ZFPM1: variants seen among roughly 807,000 people sequenced by gnomAD.
ZFPM1 encodes the protein zinc finger protein, FOG family member 1.
In ZFPM1, 28 loss-of-function variants were observed where a neutral mutation model predicts 46.3. The ratio of observed to expected loss-of-function variants is 0.60; its 90% CI spans 0.45 to 0.83. The LOEUF (loss-of-function observed/expected upper bound fraction) is 0.83, where lower values mean the gene tolerates loss of function less well. ZFPM1 is among the 40% of genes least tolerant of loss of function. The pLI is 0.00. For missense variants in ZFPM1, 1,878 were observed against 1,432.4 expected, an observed-to-expected ratio of 1.31 and a Z score of -5.02; for synonymous variants, 957 against 675.9, an observed-to-expected ratio of 1.42 and a Z score of -6.45.
intron 3 of ZFPM1, among the ~76,000 whole-genome samples, chr16:88,505,592 T>C (rs12926128): frequency 0.18 from 26,799 of 152,174 alleles, 2,608 homozygotes; most frequent in East Asian, 0.3. Context: ...GACGGCTTCC[T>C]GGGGTCCTGG....
At chr16:88,495,770 G>A (rs1000267289) in intron 3 of ZFPM1, among the ~76,000 whole-genome samples, 4 of 152,180 alleles carry the variant, frequency 2.6e-5, no homozygotes, top group African/African-American at 7.2e-5. Context: ...GTGGCCAGGA[G>A]CCCACTTGGG....
intron 3 of ZFPM1, among the ~76,000 whole-genome samples, chr16:88,503,403 C>G (rs12444193): frequency 9.8e-4 from 70 of 71,610 alleles, no homozygotes; most frequent in Middle Eastern, 0.014. Context: ...TTCCTGAGTG[C>G]AGGGATCTGT....
chr16:88,497,321 C>T lies in ZFPM1; in HGVS notation c.268+8168C>T, dbSNP rs543653388. ...TGTGACAGACACAGTAGAGTGGGGT[C>T]GGGTGTGCACAAGGAGCTGGCTCAG... On this transcript the variant is annotated intron_variant, in intron 3 of 9. Coordinates refer to ENST00000319555, the MANE Select transcript of ZFPM1 (RefSeq NM_153813.3). This position sits in a 1 kb window ranked among gnomAD's most constrained non-coding sequence, Gnocchi z 5.4. 7.9e-5 allele frequency among the ~76,000 whole-genome samples: 12 copies of T among 151,776 alleles called. No individual in the cohort carries two copies. In the South Asian group the frequency reaches 2.1e-3, roughly 26 times the overall value.
At chr16:88,507,205 C>T (rs1363102539) in intron 3 of ZFPM1, among the ~76,000 whole-genome samples, 1 of 152,174 alleles carries the variant, frequency 6.6e-6, no homozygotes, top group African/African-American at 2.4e-5. Context: ...GCTGTGTAAC[C>T]TCCGACGTGG....
intron 1 of ZFPM1, among the ~76,000 whole-genome samples, chr16:88,468,320 G>A (rs1056584245): frequency 2.0e-5 from 3 of 152,104 alleles, no homozygotes; most frequent in East Asian, 1.9e-4. Flanking sequence ...CTGAGCACTC[G>A]GGGTGCTCTG....
chr16:88,470,222 G>A (rs1264683443), intron 1 of ZFPM1, among the ~76,000 whole-genome samples: 5 of 152,196 alleles, frequency 3.3e-5, no homozygotes, highest in Non-Finnish European at 7.3e-5. Context: ...ACTCACTCCT[G>A]CGGGGTCCTT....
intron 1 of ZFPM1, among the ~76,000 whole-genome samples, chr16:88,461,820 C>T (rs1406564390): frequency 2.6e-5 from 4 of 152,206 alleles, no homozygotes; most frequent in Non-Finnish European, 5.9e-5. Flanking sequence ...GCCCGGAGAT[C>T]TGACCCACTG....
rs1029050269 is a variant in ZFPM1, at chr16:88,469,269, C to T, written c.40+15591C>T. ...TGCCGGCCGGGCCAGGGACGTGGCA[C>T]CATCTTAATGAATGACAGTCCCAAC... is the stretch of plus-strand genomic sequence containing the variant. On this transcript the variant is annotated intron_variant, in intron 1 of 9. Coordinates refer to ENST00000319555, the MANE Select transcript of ZFPM1 (RefSeq NM_153813.3). This position sits in a 1 kb window ranked among gnomAD's most constrained non-coding sequence, Gnocchi z 4.3. 2.0e-4 allele frequency among the ~76,000 whole-genome samples: 30 copies of T among 152,222 alleles called. No homozygotes were observed. In the Middle Eastern group the frequency reaches 9.5e-3, roughly 48 times the overall value.
chr16:88,473,139 G>C (rs973635065), intron 1 of ZFPM1, among the ~76,000 whole-genome samples: 1 of 152,276 alleles, frequency 6.6e-6, no homozygotes, highest in Non-Finnish European at 1.5e-5. Context: ...GGAAAAGGCT[G>C]AACTGAGCCA....
At chr16:88,464,249 C>T (rs957457617) in intron 1 of ZFPM1, among the ~76,000 whole-genome samples, 1 of 152,216 alleles carries the variant, frequency 6.6e-6, no homozygotes, top group Non-Finnish European at 1.5e-5. Context: ...GCATGTGAGC[C>T]GTGCCTAAGG....
Position 88,528,087 on chromosome 16 carries a change from C to A in ZFPM1, c.561C>A (p.Ser187Arg), listed in dbSNP as rs1455828523. ...CGGTGCCTGCGGGGGGACTCCTGAGCGTGCTCCTCACGGCCGAGCCCCACA... is the reference window on the plus strand; with the variant it reads ...CGGTGCCTGCGGGGGGACTCCTGAGAGTGCTCCTCACGGCCGAGCCCCACA... ...TKPVPAGGLLSVLLTAEPHST... is the reference protein window; with the variant it reads ...TKPVPAGGLLRVLLTAEPHST... Residue 187 changes from serine (S) to arginine (R), a missense_variant, in exon 6 of 10, where the codon AGC becomes AGA. Transcript: ENST00000319555. 1 of 1,572,312 alleles carries A rather than the reference C, an allele frequency of 6.4e-7. No individual in the cohort carries two copies. The highest frequency in any genetic ancestry group is 1.3e-5 in the African/African-American group (1 of 74,134).
rs1007535241 is a variant in ZFPM1 at position 88,532,245 on chromosome 16, C to A, written c.946+10C>A. The A allele has an allele frequency of 2.5e-6, 4 of 1,586,456 alleles. No individual in the cohort carries two copies. Among genetic ancestry groups the A allele is most frequent in the Non-Finnish European group, 3.4e-6 (4 of 1,163,004 alleles). On this transcript the variant is annotated intron_variant, in intron 7 of 9. Coordinates refer to ENST00000319555, the MANE Select transcript of ZFPM1 (RefSeq NM_153813.3). ...ATGCGCAGCCACAGCGGTGAGCCCC[C>A]ACCCCGGACGCGGGTCCTCAGGATG...
intron 1 of ZFPM1, among the ~76,000 whole-genome samples, chr16:88,472,780 C>G (rs1490906184): frequency 6.6e-6 from 1 of 152,258 alleles, no homozygotes; most frequent in Non-Finnish European, 1.5e-5. Context: ...CCCATAACTC[C>G]ACGCCCTCCC....
At chr16:88,484,625 G>A (rs913389307) in intron 1 of ZFPM1, among the ~76,000 whole-genome samples, 10 of 152,210 alleles carry the variant, frequency 6.6e-5, no homozygotes, top group Admixed American at 6.5e-4. Context: ...GTAGAAGGCT[G>A]GGCGGGTCAG....
At chr16:88,475,518 G>GA (rs556395520) in intron 1 of ZFPM1, among the ~76,000 whole-genome samples, 5 of 152,046 alleles carry the variant, frequency 3.3e-5, no homozygotes, top group East Asian at 3.9e-4. Context: ...GGGTCCGGGG[G>GA]GGGGAGCACA....
chr16:88,524,747 G>A (rs533413587), intron 4 of ZFPM1, among the ~76,000 whole-genome samples: 2 of 152,372 alleles, frequency 1.3e-5, no homozygotes, highest in East Asian at 3.9e-4. Context: ...CCCTGAGACT[G>A]CCCCAAAGGC....
chr16:88,462,876 G>T (rs1053005387), intron 1 of ZFPM1, among the ~76,000 whole-genome samples: 11 of 142,792 alleles, frequency 7.7e-5, no homozygotes, highest in African/African-American at 2.7e-4. Context: ...TCACGGGGCT[G>T]TGAGGAGCGA....
intron 1 of ZFPM1, among the ~76,000 whole-genome samples, chr16:88,461,194 GCCT>G (rs1907859863): frequency 7.9e-6 from 1 of 126,024 alleles, no homozygotes; most frequent in African/African-American, 3.6e-5. Flanking sequence ...GGGGCGGGAG[GCCT>G]GGTGAGGACC....
chr16:88,531,378 T>TA (rs1912772737), intron 6 of ZFPM1, among the ~76,000 whole-genome samples: 1 of 152,098 alleles, frequency 6.6e-6, no homozygotes, highest in African/African-American at 2.4e-5. Context: ...AGCAGCCCAT[T>TA]TGGGGTCAGT....
Sources: allele counts gnomAD v4.1 joint callset (sites outside exome capture counted in the v4.1 genomes callset), GRCh38; gene constraint gnomAD v4.1.1; non-coding constraint Gnocchi (gnomAD v3.1); transcripts MANE v1.5; gene names NCBI Gene and HGNC (gene_info 2026-07-23, HGNC 2026-07-21).